The following IL7 variants were observed in gnomAD, a reference collection of about 807,000 sequenced individuals.
The protein encoded by IL7 is interleukin-7.
In IL7, 3 loss-of-function variants were observed where a neutral mutation model predicts 21.6. The ratio of observed to expected loss-of-function variants is 0.14; its 90% CI spans 0.06 to 0.36. The LOEUF is 0.36. IL7 is among the 10% of genes least tolerant of loss of function. IL7 has a pLI of 1.00. For synonymous variants in IL7, 62 were observed against 68.1 expected (o/e 0.91, Z 0.44); for missense variants, 175 against 200.2 (o/e 0.87, Z 0.76).
chr8:78,692,357 T>C (rs1197218215), intron 3 of IL7, among the ~76,000 whole-genome samples: 1 of 152,164 alleles, frequency 6.6e-6, no homozygotes, highest in African/African-American at 2.4e-5. Flanking sequence ...TTATTTATTA[T>C]TACTATTTTT....
In IL7 at chr8:78,775,355, T is replaced by A. The variant is rs542131755; in HGVS notation, c.147+22717A>T. 2.0e-5 allele frequency among the ~76,000 whole-genome samples: 3 copies of A among 152,230 alleles called. No homozygotes were observed. In the South Asian group the frequency reaches 6.2e-4, roughly 32 times the overall value. On this transcript the variant is annotated intron_variant, in intron 2 of 5. Coordinates refer to ENST00000263851, the MANE Select transcript of IL7 (RefSeq NM_000880.4). Reference sequence around the variant, plus strand: ...CGTCACAAAATTATACATATCCTACTCTGGATGTGCAGAAAGGTTATTATG... The same window carrying A: ...CGTCACAAAATTATACATATCCTACACTGGATGTGCAGAAAGGTTATTATG...
chr8:78,758,726 G>C (rs1812439018), intron 2 of IL7, among the ~76,000 whole-genome samples: 1 of 151,960 alleles, frequency 6.6e-6, no homozygotes, highest in African/African-American at 2.4e-5. Flanking sequence ...CTAGTCTGAT[G>C]GGATTTCCCC....
At chr8:78,783,966 T>A (rs1286824186) in intron 2 of IL7, among the ~76,000 whole-genome samples, 1 of 152,128 alleles carries the variant, frequency 6.6e-6, no homozygotes, top group Non-Finnish European at 1.5e-5. Flanking sequence ...AAACTGCAAG[T>A]AAATATATGA....
chr8:78,711,302 A>G lies in IL7; in HGVS notation n.214+10046T>C, dbSNP rs80216305. Among the ~76,000 whole-genome samples, 188 of 152,176 alleles carry G rather than the reference A, an allele frequency of 1.2e-3. 1 individual carries two copies. Among genetic ancestry groups the G allele is most frequent in the African/African-American group, 4.3e-3 (179 of 41,540 alleles). On this transcript the variant is annotated intron_variant and non_coding_transcript_variant, in intron 3 of 4. Coordinates refer to the IL7 transcript ENST00000523959. The stretch of plus-strand genomic sequence containing the variant: ...TTGGTTGGTTGATTTAAAACAGTGA[A>G]ATATCCTACAAACCTGCAGTTTGTC...
chr8:78,718,944 AT>A (rs1435590401), intron 6 of IL7: 1 of 151,756 alleles, frequency 6.6e-6, no homozygotes, highest in South Asian at 2.1e-4. Flanking sequence ...TTTATCTGAA[AT>A]TTATTAGCTT....
chr8:78,757,096 ATT>A lies in IL7; in HGVS notation c.148-17016_148-17015del, dbSNP rs1270791970. 6.0e-5 allele frequency among the ~76,000 whole-genome samples: 9 copies of A among 150,856 alleles called. No individual in the cohort carries two copies. The South Asian group carries it at 8.4e-4, about 14-fold the overall frequency. ...TTGGGTATGTTGTGTTTACATTTTCATTTGTTTCAGATTTTTTTTCATTTTGA... is the reference window on the plus strand; with the variant it reads ...TTGGGTATGTTGTGTTTACATTTTCATGTTTCAGATTTTTTTTCATTTTGA... On this transcript the variant is annotated intron_variant, in intron 2 of 5. Coordinates refer to ENST00000263851, the MANE Select transcript of IL7 (RefSeq NM_000880.4).
At chr8:78,782,865 C>T (rs549734209) in intron 2 of IL7, among the ~76,000 whole-genome samples, 2 of 152,220 alleles carry the variant, frequency 1.3e-5, no homozygotes, top group South Asian at 2.1e-4. Flanking sequence ...GAGCTCTGTC[C>T]GTAAACCCCT....
intron 2 of IL7, among the ~76,000 whole-genome samples, chr8:78,753,379 A>G (rs1311111786): frequency 6.6e-6 from 1 of 151,906 alleles, no homozygotes; most frequent in African/African-American, 2.4e-5. Flanking sequence ...CATAAATTTG[A>G]AAAGTGTCTG....
rs923703693 is a variant in IL7 at position 78,753,754 on chromosome 8, A to C, written c.148-13672T>G. On this transcript the variant is annotated intron_variant, in intron 2 of 5. Transcript: ENST00000263851. ...CCATCTTGAGTTAATTTTTGTTCTA[A>C]GGCATAAGGAAGGGGTCCAGTTTCA... 2.6e-5 allele frequency among the ~76,000 whole-genome samples: 4 copies of C among 152,018 alleles called. No homozygotes were observed. In the South Asian group the frequency reaches 8.3e-4, roughly 32 times the overall value.
intron 5 of IL7, 29 bp from the exon 6 acceptor site, chr8:78,733,861 C>T: frequency 2.9e-6 from 4 of 1,400,288 alleles, no homozygotes; most frequent in Non-Finnish European, 3.8e-6. Flanking sequence ...AAAGTTTAAA[C>T]TTCACATTTT....
In IL7 at chr8:78,720,049, T is replaced by C. The variant is rs182446205; in HGVS notation, n.477-939A>G. On this transcript the variant is annotated intron_variant and non_coding_transcript_variant, in intron 5 of 6. Transcript: ENST00000519833. ...CAAACATTTGTGATGTCAAGGTTAA[T>C]AGGAAACATGGACGTTTCTAGTTAA... Among the ~76,000 whole-genome samples, 6 of 151,990 alleles carry C rather than the reference T, an allele frequency of 3.9e-5. No homozygotes were observed. In the East Asian group the frequency reaches 1.2e-3, roughly 29 times the overall value.
At chr8:78,745,700 A>G (rs1811956979) in intron 2 of IL7, among the ~76,000 whole-genome samples, 1 of 152,238 alleles carries the variant, frequency 6.6e-6, no homozygotes, top group South Asian at 2.1e-4. Context: ...TTGTTCAGCC[A>G]GTATTTAACA....
At chr8:78,798,609 G>A (rs1177975352) in intron 1 of IL7, among the ~76,000 whole-genome samples, 3 of 152,026 alleles carry the variant, frequency 2.0e-5, no homozygotes, top group Middle Eastern at 3.4e-3. Flanking sequence ...TGTACTGCAC[G>A]TAATTGTATA....
At chr8:78,716,145 C>T (rs187919409), downstream of IL7, among the ~76,000 whole-genome samples, 130 of 149,300 alleles carry the variant, frequency 8.7e-4, no homozygotes, top group African/African-American at 2.9e-3. Context: ...TTTTTTAAGA[C>T]GGAGTCTCGC....
At chr8:78,715,906 G>A (rs1168226967), downstream of IL7, among the ~76,000 whole-genome samples, 1 of 151,508 alleles carries the variant, frequency 6.6e-6, no homozygotes, top group Non-Finnish European at 1.5e-5. Context: ...CGGTTGTGGT[G>A]TTGCACACCT....
At chr8:78,746,965 A>G (rs1811998920) in intron 2 of IL7, 1 of 427,360 alleles carries the variant, frequency 2.3e-6, no homozygotes, top group Admixed American at 2.8e-5. Flanking sequence ...TTCAGGAGAG[A>G]AAGTCAATAT....
chr8:78,689,382 A>G (rs1259368086), intron 3 of IL7: 34 of 1,554,986 alleles, frequency 2.2e-5, no homozygotes, highest in Non-Finnish European at 2.5e-5. Flanking sequence ...TGGTAAGTTC[A>G]GTTTTAATAA....
chr8:78,748,451 C>T (rs1169563584), intron 2 of IL7, among the ~76,000 whole-genome samples: 2 of 152,148 alleles, frequency 1.3e-5, no homozygotes, highest in African/African-American at 4.8e-5. Flanking sequence ...ATGGACATAT[C>T]AAGGATCATT....
At chr8:78,737,250 G>A (rs184679273) in intron 4 of IL7, among the ~76,000 whole-genome samples, 74 of 152,112 alleles carry the variant, frequency 4.9e-4, no homozygotes, top group Admixed American at 4.8e-3. Flanking sequence ...CTTTTCAGTT[G>A]AACCAAGAGT....
Sources: gnomAD v4.1 joint callset for allele counts (sites outside exome capture counted in the v4.1 genomes callset) on GRCh38, gnomAD v4.1.1 for gene constraint, MANE v1.5 for transcripts, NCBI Gene and HGNC (gene_info 2026-07-23, HGNC 2026-07-21) for gene names.